The following RFPL1 variants were observed in gnomAD, a reference collection of about 807,000 sequenced individuals.
The protein encoded by RFPL1 is ret finger protein-like 1.
Under a neutral mutation model 9.6 loss-of-function variants are expected in RFPL1, and 6 were observed. That is an observed-to-expected ratio of 0.62 (90% CI 0.34 to 1.23). The LOEUF (loss-of-function observed/expected upper bound fraction) is 1.23. Among genes scored for constraint, RFPL1 ranks in the 50% most tolerant of loss-of-function variants. The pLI is 0.03. For synonymous variants in RFPL1, 145 were observed against 149.4 expected, an observed-to-expected ratio of 0.97 and a Z score of 0.22; for missense variants, 352 against 398.4, an observed-to-expected ratio of 0.88 and a Z score of 0.99.
chr22:29,388,203 C>T, the RFPL1 span, among the ~76,000 whole-genome samples: 1 of 152,142 alleles, frequency 6.6e-6, no homozygotes, highest in African/African-American at 2.4e-5. Flanking sequence ...CCAGGAGGTG[C>T]TGCGGGTATG....
the RFPL1 span, among the ~76,000 whole-genome samples, chr22:29,407,480 T>C: frequency 6.6e-6 from 1 of 151,638 alleles, no homozygotes; most frequent in Non-Finnish European, 1.5e-5. Context: ...ATGGTAAGAC[T>C]ACATTTTTCT....
the RFPL1 span, among the ~76,000 whole-genome samples, chr22:29,421,313 A>G: frequency 5.9e-5 from 9 of 152,128 alleles, no homozygotes; most frequent in Non-Finnish European, 1.2e-4. Context: ...AGCTCGGCAT[A>G]GTGGCACGTG....
chr22:29,391,685 G>A, the RFPL1 span, among the ~76,000 whole-genome samples: 7 of 152,312 alleles, frequency 4.6e-5, no homozygotes, highest in African/African-American at 7.2e-5. Context: ...CTGTCTTGCC[G>A]AATGAGAACA....
chr22:29,403,079 C>G, the RFPL1 span, among the ~76,000 whole-genome samples: 1 of 151,584 alleles, frequency 6.6e-6, no homozygotes, highest in Non-Finnish European at 1.5e-5. Flanking sequence ...TACACTCTCA[C>G]GACTGTTTTT....
chr22:29,406,814 C>T, the RFPL1 span, among the ~76,000 whole-genome samples: 26 of 152,146 alleles, frequency 1.7e-4, no homozygotes, highest in African/African-American at 5.6e-4. Flanking sequence ...TTTGGACGCC[C>T]GCTCCAAGCG....
At chr22:29,438,109 A>AG, upstream of RFPL1, 1 of 182,444 alleles carries the variant, frequency 5.5e-6, no homozygotes, top group Non-Finnish European at 1.1e-5. Flanking sequence ...CCTTGGCTCA[A>AG]GGGATCTTCC....
At chr22:29,410,429 T>TTTA in the RFPL1 span, among the ~76,000 whole-genome samples, 1 of 35,500 alleles carries the variant, frequency 2.8e-5, no homozygotes. Flanking sequence ...ATATATATAT[T>TTTA]GTAGATATAT....
the RFPL1 span, among the ~76,000 whole-genome samples, chr22:29,408,307 G>A: frequency 6.6e-6 from 1 of 152,200 alleles, no homozygotes; most frequent in Non-Finnish European, 1.5e-5. Flanking sequence ...TAGCTGGAAA[G>A]CCAAGGCTCT....
chr22:29,399,061 T>C, the RFPL1 span, among the ~76,000 whole-genome samples: 1 of 152,210 alleles, frequency 6.6e-6, no homozygotes, highest in Non-Finnish European at 1.5e-5. Flanking sequence ...AGGTATTGAA[T>C]GACTATTGAA....
the RFPL1 span, among the ~76,000 whole-genome samples, chr22:29,398,008 G>A: frequency 5.5e-4 from 84 of 152,296 alleles, no homozygotes; most frequent in African/African-American, 1.9e-3. Context: ...CTCCCACATC[G>A]AGCAGGGCAA....
the RFPL1 span, among the ~76,000 whole-genome samples, chr22:29,405,277 G>C: frequency 0.024 from 3,014 of 127,824 alleles, 25 homozygotes; most frequent in Middle Eastern, 0.053. Flanking sequence ...AGGACTGGGG[G>C]ACGCAGCAGC....
At chr22:29,408,017 G>T in the RFPL1 span, among the ~76,000 whole-genome samples, 1 of 152,178 alleles carries the variant, frequency 6.6e-6, no homozygotes, top group Non-Finnish European at 1.5e-5. Context: ...CATCCTGAAT[G>T]TAACTCATTG....
chr22:29,423,005 A>T, the RFPL1 span: 1 of 843,356 alleles, frequency 1.2e-6, no homozygotes, highest in Non-Finnish European at 2.0e-6. Flanking sequence ...GCTCTAGGTC[A>T]TTCCTGCCAC....
upstream of RFPL1, among the ~76,000 whole-genome samples, chr22:29,436,123 G>T (rs565137867): frequency 6.5e-3 from 979 of 151,764 alleles, 16 homozygotes; most frequent in African/African-American, 0.023. Context: ...ATGGGCTTTA[G>T]TGGAGGCTGG....
the RFPL1 span, among the ~76,000 whole-genome samples, chr22:29,392,242 G>C: frequency 6.6e-6 from 1 of 151,828 alleles, no homozygotes; most frequent in African/African-American, 2.4e-5. Flanking sequence ...ACCAAACCCA[G>C]CTAATTTTTG....
At chr22:29,437,769 T>A (rs2062815746), upstream of RFPL1, 3 of 1,557,170 alleles carry the variant, frequency 1.9e-6, no homozygotes, top group African/African-American at 1.4e-5. Context: ...CCTCCTTAGA[T>A]GCCTAGAAAT....
the RFPL1 span, among the ~76,000 whole-genome samples, chr22:29,412,067 C>A: frequency 5.9e-5 from 9 of 152,238 alleles, no homozygotes; most frequent in African/African-American, 2.2e-4. Flanking sequence ...TGTACCATGT[C>A]TTCCCCATCT....
chr22:29,437,887 A>G, upstream of RFPL1: 1 of 631,632 alleles, frequency 1.6e-6, no homozygotes, highest in Non-Finnish European at 2.6e-6. Flanking sequence ...CTGGATCCCC[A>G]GATCTCCAGT....
At chr22:29,418,893 A>G in the RFPL1 span, among the ~76,000 whole-genome samples, 1 of 152,144 alleles carries the variant, frequency 6.6e-6, no homozygotes, top group Non-Finnish European at 1.5e-5. Flanking sequence ...GAGAGGGTTC[A>G]TGCCACACCC....
Sources: gnomAD v4.1 joint callset for allele counts (sites outside exome capture counted in the v4.1 genomes callset) on GRCh38, gnomAD v4.1.1 for gene constraint, MANE v1.5 for transcripts, NCBI Gene and HGNC (gene_info 2026-07-23, HGNC 2026-07-21) for gene names.